The following ZNF180 variants were observed in gnomAD, a reference collection of about 807,000 sequenced individuals.
ZNF180 encodes the protein zinc finger protein 180 (HHZ168).
Under a neutral mutation model 11.8 loss-of-function variants are expected in ZNF180, and 11 were observed. The observed-to-expected ratio is 0.93, with a 90% CI of 0.59 to 1.55. ZNF180 has a LOEUF of 1.55. Ranked by LOEUF, ZNF180 falls within the 40% of genes most tolerant of loss-of-function variation. The pLI is 0.00. For missense variants in ZNF180, 773 were observed against 781.7 expected, an observed-to-expected ratio of 0.99 and a Z score of 0.13; for synonymous variants, 287 against 257.7, an observed-to-expected ratio of 1.11 and a Z score of -1.09.
chr19:44,485,336 C>T (rs1387898403), intron 2 of ZNF180, among the ~76,000 whole-genome samples: 1 of 152,172 alleles, frequency 6.6e-6, no homozygotes, highest in Non-Finnish European at 1.5e-5. Flanking sequence ...CGCCTCTTTA[C>T]ATCAAAATCA....
chr19:44,484,505 G>C (rs3745148), intron 2 of ZNF180, 70 bp from the exon 3 acceptor site: 1 of 1,076,336 alleles, frequency 9.3e-7, no homozygotes, highest in Non-Finnish European at 1.4e-6. Context: ...AATCTCCTCC[G>C]GTCAGTGGGC....
rs779470950 is a variant in ZNF180, at chr19:44,477,202, G to GCA, written c.1196_1197dup (p.His400CysfsTer219). 5 of 1,613,980 alleles carry GCA rather than the reference G, an allele frequency of 3.1e-6. No homozygotes were observed. The highest frequency in any genetic ancestry group is 1.7e-5 in the Admixed American group (1 of 59,996). ...TTCTCCCCAGTATGAGTTCTTTGAT[G>GCA]CACAACAAGGACATAACTCTGGCTA... is the stretch of plus-strand genomic sequence containing the variant. On this transcript the variant is annotated frameshift_variant, in exon 5 of 5. Coordinates refer to ENST00000592529, the MANE Select transcript of ZNF180 (RefSeq NM_001278509.3). LOFTEE classifies it low-confidence loss of function (END_TRUNC).
chr19:44,494,397 G>A (rs915816978), intron 2 of ZNF180, among the ~76,000 whole-genome samples: 46 of 152,182 alleles, frequency 3.0e-4, no homozygotes, highest in African/African-American at 1.1e-3. Context: ...CAGGCACTGC[G>A]GCTCACCCCG....
At position 44,477,430 on chromosome 19, in the gene ZNF180, T is replaced by C. The variant is rs1370182688; in HGVS notation, c.970A>G (p.Lys324Glu). 2 of 1,614,204 alleles carry C rather than the reference T, an allele frequency of 1.2e-6. No individual in the cohort carries two copies. Among genetic ancestry groups the C allele is most frequent in the East Asian group, 4.5e-5 (2 of 44,886 alleles). ...CCACACTGATTACATTCAAAAGGTT[T>C]CTCTTCAGAATTATTTCTCATGTTT... is the stretch of plus-strand genomic sequence containing the variant. ...TQNMRNNSEE[K>E]PFECNQCGKS... is the part of the protein sequence containing the mutation. The change falls in exon 5 of 5, where the codon AAA becomes GAA. Residue 324 changes from lysine (K) to glutamate (E), a missense_variant. By Grantham distance (56) the Lys-to-Glu change is moderately conservative. Transcript: ENST00000592529.
rs1969920098 is a variant in ZNF180, at chr19:44,477,116, ATG to A, written c.1282_1283del (p.His428SerfsTer11). On this transcript the variant is annotated frameshift_variant, in exon 5 of 5. Transcript: ENST00000592529. LOFTEE classifies it low-confidence loss of function (END_TRUNC). ...GCTTCTCTCCGGTATGTGTTCTTTGATGTGCAATAAGTTTATAGCTCTGCCTG... is the reference window on the plus strand; with the variant it reads ...GCTTCTCTCCGGTATGTGTTCTTTGATGCAATAAGTTTATAGCTCTGCCTG... ...SFRQSYKLIA[H>X]QRTHTGEKPY... 2 of 1,613,936 alleles carry A rather than the reference ATG, an allele frequency of 1.2e-6. No individual in the cohort carries two copies. The highest frequency in any genetic ancestry group is 3.3e-5 in the Admixed American group (2 of 60,000).
intron 2 of ZNF180, among the ~76,000 whole-genome samples, chr19:44,492,723 A>G (rs1294277252): frequency 6.6e-6 from 1 of 152,226 alleles, no homozygotes; most frequent in Non-Finnish European, 1.5e-5. Flanking sequence ...AATAAAATGA[A>G]GTTTCTAATC....
At chr19:44,491,099 G>A (rs1970439474) in intron 2 of ZNF180, among the ~76,000 whole-genome samples, 1 of 152,186 alleles carries the variant, frequency 6.6e-6, no homozygotes, top group African/African-American at 2.4e-5. Flanking sequence ...ACACATAGCA[G>A]GCTCTTCATA....
intron 1 of ZNF180, among the ~76,000 whole-genome samples, chr19:44,499,815 G>T (rs1009734760): frequency 6.6e-6 from 1 of 152,106 alleles, no homozygotes; most frequent in African/African-American, 2.4e-5. Context: ...CACCTGCTCG[G>T]AATCTTACCT....
intron 2 of ZNF180, among the ~76,000 whole-genome samples, chr19:44,485,576 C>A (rs1040466391): frequency 2.6e-5 from 4 of 152,196 alleles, no homozygotes; most frequent in African/African-American, 9.7e-5. Context: ...AGTCATTAGT[C>A]TGTTGCTAAT....
chr19:44,487,503 G>A (rs184935212), intron 2 of ZNF180, among the ~76,000 whole-genome samples: 41 of 152,274 alleles, frequency 2.7e-4, no homozygotes, highest in Admixed American at 1.4e-3. Context: ...TGGTCTCAGC[G>A]CCATGACAGT....
chr19:44,477,735 T>C lies in ZNF180; in HGVS notation c.665A>G (p.Asn222Ser). The C allele has an allele frequency of 6.2e-7, 1 of 1,614,104 alleles. No homozygotes were observed. The highest frequency in any genetic ancestry group is 8.5e-7 in the Non-Finnish European group (1 of 1,179,978). Residue 222 changes from asparagine to serine, a missense_variant, in exon 5 of 5, where the codon AAT becomes AGT. By Grantham distance (46) the Asn-to-Ser change is conservative. Coordinates refer to ENST00000592529, the MANE Select transcript of ZNF180 (RefSeq NM_001278509.3). Reference protein sequence around the residue: ...INENETLYENNECGKPPQSIH... With the variant: ...INENETLYENSECGKPPQSIH... ...GCTCTGAGGGGGTTTTCCACATTCA[T>C]TATTTTCATATAGTGTCTCATTCTC...
rs763497886 is a variant in ZNF180 at position 44,477,309 on chromosome 19, C to A, written c.1091G>T (p.Ser364Ile). 1 of 1,612,192 alleles carries A rather than the reference C, an allele frequency of 6.2e-7. No homozygotes were observed. The highest frequency in any genetic ancestry group is 8.5e-7 in the Non-Finnish European group (1 of 1,178,694). ...YECSECGKSF[S>I]RSSHLVSHQR... ...ATGGGAAACAAGGTGCGAGCTCCGG[C>A]TGAAGGATTTTCCACATTCACTACA... The change falls in exon 5 of 5, where the codon AGC becomes ATC. Residue 364 changes from serine (S) to isoleucine (I), a missense_variant. Transcript: ENST00000592529.
rs747754123 is a variant in ZNF180, at chr19:44,477,394, T to G, written c.1006A>C (p.Ser336Arg). 8.7e-6 allele frequency: 14 copies of G among 1,614,072 alleles called. No individual in the cohort carries two copies. The highest frequency in any genetic ancestry group is 1.3e-5 in the African/African-American group (1 of 74,928). Residue 336 changes from serine (S) to arginine (R), a missense_variant, in exon 5 of 5, where the codon AGC becomes CGC. Ser to Arg is a moderately radical substitution (Grantham distance 110, BLOSUM62 -1). Transcript: ENST00000592529. ...TGTGCAACAAGATGCGAGCTCCAGC[T>G]GAAGGATTTCCCACACTGATTACAT... ...FECNQCGKSF[S>R]WSSHLVAHQR...
At position 44,477,307 on chromosome 19, in the gene ZNF180, G is replaced by A. The variant is rs201078626; in HGVS notation, c.1093C>T (p.Arg365Trp). 4.1e-5 allele frequency: 66 copies of A among 1,612,076 alleles called. No individual in the cohort carries two copies. Among genetic ancestry groups the A allele is most frequent in the African/African-American group, 1.2e-4 (9 of 74,794 alleles). The change falls in exon 5 of 5, where the codon CGG becomes TGG. Residue 365 changes from arginine (R) to tryptophan (W), a missense_variant. Arg to Trp is a moderately radical substitution (Grantham distance 101, BLOSUM62 -3). Coordinates refer to ENST00000592529, the MANE Select transcript of ZNF180 (RefSeq NM_001278509.3). ...TGATGGGAAACAAGGTGCGAGCTCC[G>A]GCTGAAGGATTTTCCACATTCACTA... ...ECSECGKSFS[R>W]SSHLVSHQRT...
At chr19:44,485,223 A>G (rs1448565547) in intron 2 of ZNF180, 1 of 151,924 alleles carries the variant, frequency 6.6e-6, no homozygotes, top group Admixed American at 6.6e-5. Context: ...AAGAATCTAT[A>G]CTATTAAGAC....
chr19:44,491,254 G>A (rs147479645), intron 2 of ZNF180, among the ~76,000 whole-genome samples: 20 of 152,318 alleles, frequency 1.3e-4, no homozygotes, highest in African/African-American at 4.3e-4. Flanking sequence ...ACCTTTGTTG[G>A]GTGCCTTTTC....
At chr19:44,478,254 T>C in intron 4 of ZNF180, 108 bp from the exon 5 acceptor site, 1 of 1,209,364 alleles carries the variant, frequency 8.3e-7, no homozygotes, top group Non-Finnish European at 1.1e-6. Flanking sequence ...TGTTTTCAAA[T>C]ACTGACCGAT....
Position 44,500,471 on chromosome 19 carries a change from G to T in ZNF180, c.-240C>A. 1 of 562,952 alleles carries T rather than the reference G, an allele frequency of 1.8e-6. No homozygotes were observed. The highest frequency in any genetic ancestry group is 3.1e-6 in the Non-Finnish European group (1 of 317,698). The allele number at this position is 562,952 out of a possible 1,614,324, so 34.9% of individuals were successfully genotyped here. ...CGCTGGGGGTTAAGTCTGAAGGGCC[G>T]AGCTGCTCGGCGACAGCAAGCGTCC... On this transcript the variant is annotated 5_prime_UTR_variant, in exon 1 of 5. Transcript: ENST00000592529.
At chr19:44,499,727 C>A (rs1970688951) in intron 1 of ZNF180, among the ~76,000 whole-genome samples, 1 of 152,226 alleles carries the variant, frequency 6.6e-6, no homozygotes, top group South Asian at 2.1e-4. Flanking sequence ...GAATCTGCAA[C>A]TCCAATCTGG....
Sources: gnomAD v4.1 joint callset for allele counts (sites outside exome capture counted in the v4.1 genomes callset) on GRCh38, gnomAD v4.1.1 for gene constraint, MANE v1.5 for transcripts, NCBI Gene and HGNC (gene_info 2026-07-23, HGNC 2026-07-21) for gene names.